Variants in ABCB5 observed in about 807,000 individuals in gnomAD.
ABCB5 encodes the protein ATP binding cassette subfamily B member 5, also known as ATP-binding cassette sub-family B member 5.
In ABCB5, 155 loss-of-function variants were observed where a neutral mutation model predicts 144.2. The ratio of observed to expected loss-of-function variants is 1.08; its 90% CI spans 0.94 to 1.23. The LOEUF is 1.23. Ranked by LOEUF, ABCB5 falls within the 50% of genes most tolerant of loss-of-function variation. The pLI is 0.00. For synonymous variants in ABCB5, 610 were observed against 528.6 expected (o/e 1.15, Z -2.11); for missense variants, 1,830 against 1,520.8 (o/e 1.20, Z -3.38).
At chr7:20,755,296 A>G in intron 27 of ABCB5, 131 bp from the exon 28 acceptor site, 2 of 702,446 alleles carry the variant, frequency 2.8e-6, no homozygotes, top group Admixed American at 2.8e-5. Context: ...TTATTTTACA[A>G]GTAGGGCAGT....
chr7:20,738,877 A>C (rs1782471244), intron 23 of ABCB5, 106 bp from the exon 24 acceptor site: 2 of 1,300,676 alleles, frequency 1.5e-6, no homozygotes, highest in Middle Eastern at 2.7e-4. Flanking sequence ...TGCCGTCTAC[A>C]TCAAAAGATT....
At chr7:20,718,097 G>A (rs909108651) in intron 20 of ABCB5, among the ~76,000 whole-genome samples, 6 of 149,678 alleles carry the variant, frequency 4.0e-5, no homozygotes, top group South Asian at 2.1e-4. Context: ...TTTTAGTAGA[G>A]ACGGGGTTTC....
chr7:20,640,675 C>A (rs1784277217), intron 5 of ABCB5, among the ~76,000 whole-genome samples: 1 of 152,110 alleles, frequency 6.6e-6, no homozygotes, highest in Admixed American at 6.6e-5. Flanking sequence ...ATCAGGCAAA[C>A]CAAATTTTTG....
intron 23 of ABCB5, among the ~76,000 whole-genome samples, chr7:20,737,765 C>T (rs1457691169): frequency 6.6e-6 from 1 of 151,910 alleles, no homozygotes; most frequent in Non-Finnish European, 1.5e-5. Flanking sequence ...AAAAAAAAAC[C>T]TTCTGATTTG....
chr7:20,619,864 T>C (rs1349643330), intron 1 of ABCB5, among the ~76,000 whole-genome samples: 2 of 152,178 alleles, frequency 1.3e-5, no homozygotes, highest in South Asian at 2.1e-4. Flanking sequence ...TATGGTGAAA[T>C]GTAGGGGTCC....
At chr7:20,685,872 G>A (rs1420006279) in intron 16 of ABCB5, 36 bp downstream of exon 16, 3 of 1,549,618 alleles carry the variant, frequency 1.9e-6, no homozygotes, top group South Asian at 2.5e-5. Flanking sequence ...TTTCCTGCAT[G>A]TTTTCTAATT....
intron 7 of ABCB5, 49 bp from the exon 8 acceptor site, chr7:20,645,707 T>G: frequency 6.2e-7 from 1 of 1,601,354 alleles, no homozygotes; most frequent in Non-Finnish European, 8.5e-7. Context: ...GTTCAGAACA[T>G]TATTACTACA....
intron 15 of ABCB5, 109 bp from the exon 16 acceptor site, chr7:20,685,587 T>A (rs958767622): frequency 2.1e-6 from 2 of 974,692 alleles, no homozygotes; most frequent in Non-Finnish European, 3.0e-6. Flanking sequence ...CATTAGAATA[T>A]GCCACTTTCA....
chr7:20,650,156 A>C lies in ABCB5; in HGVS notation c.1332+9A>C, dbSNP rs1784537666. On this transcript the variant is annotated intron_variant, in intron 12 of 27. Transcript: ENST00000404938. ...ATCCGGATGATGGCTTTGTAAGTGCAGCTAGCAAAACCATGCACAGTCCAC... is the reference window on the plus strand; with the variant it reads ...ATCCGGATGATGGCTTTGTAAGTGCCGCTAGCAAAACCATGCACAGTCCAC... The C allele has an allele frequency of 1.2e-6, 2 of 1,613,192 alleles. No individual in the cohort carries two copies.
chr7:20,617,584 T>C (rs112259998), intron 1 of ABCB5, among the ~76,000 whole-genome samples: 21 of 152,338 alleles, frequency 1.4e-4, no homozygotes, highest in African/African-American at 4.8e-4. Context: ...TTTCTCAAAA[T>C]TTGATATGCA....
At chr7:20,631,647 C>A (rs540488415) in intron 4 of ABCB5, among the ~76,000 whole-genome samples, 7 of 152,226 alleles carry the variant, frequency 4.6e-5, no homozygotes, top group South Asian at 4.1e-4. Flanking sequence ...GCTAATTCTT[C>A]TAGAACTTTC....
intron 5 of ABCB5, among the ~76,000 whole-genome samples, chr7:20,634,917 T>C (rs925580462): frequency 6.6e-6 from 1 of 152,114 alleles, no homozygotes; most frequent in South Asian, 2.1e-4. Context: ...TTAATTTCCA[T>C]TTGTCTATTT....
chr7:20,711,908 C>T (rs149497846), intron 20 of ABCB5, among the ~76,000 whole-genome samples: 12,531 of 104,676 alleles, frequency 0.12, 2,602 homozygotes, highest in African/African-American at 0.35. Context: ...TTCCTTCCTT[C>T]CTTTCTTTCT....
chr7:20,685,074 C>A (rs140749056), intron 15 of ABCB5, among the ~76,000 whole-genome samples: 52 of 152,302 alleles, frequency 3.4e-4, no homozygotes, highest in African/African-American at 1.2e-3. Flanking sequence ...TGGTCTGAAA[C>A]TCCTGGCCTG....
In ABCB5 at chr7:20,755,563, A is replaced by G. The variant is rs1055921350; in HGVS notation, c.3713A>G (p.Gln1238Arg). Residue 1238 changes from glutamine to arginine, a missense_variant, in exon 28 of 28, where the codon CAA (glutamine) becomes CGA (arginine). Transcript: ENST00000404938. ...NGKIKEQGTH[Q>R]ELLRNRDIYF... is the part of the protein sequence containing the mutation. ...AAGATAAAGGAACAAGGAACTCATC[A>G]AGAGCTCCTGAGAAATCGAGACATA... 1.9e-6 allele frequency: 3 copies of G among 1,614,112 alleles called. No homozygotes were observed. The African/African-American group carries it at 4.0e-5, about 22-fold the overall frequency.
chr7:20,749,134 T>G (rs980159717), intron 26 of ABCB5, among the ~76,000 whole-genome samples: 2 of 145,656 alleles, frequency 1.4e-5, no homozygotes, highest in African/African-American at 4.9e-5. Context: ...TCTTTCCCTT[T>G]CTTTTCCTCC....
At position 20,623,522 on chromosome 7, in the gene ABCB5, G is replaced by C. The variant is rs182126789; in HGVS notation, c.53+184G>C. On this transcript the variant is annotated intron_variant, in intron 2 of 27. Transcript: ENST00000404938. ...AATAGTGATTTTAGGAACTGCAATA[G>C]GATTAATTGTAATAGGATTTATTTA... Among the ~76,000 whole-genome samples the C allele has an allele frequency of 3.3e-5, 5 of 152,204 alleles. No individual in the cohort carries two copies. The East Asian group carries it at 9.6e-4, about 29-fold the overall frequency.
intron 20 of ABCB5, among the ~76,000 whole-genome samples, chr7:20,722,442 T>C (rs909403466): frequency 1.3e-5 from 2 of 152,240 alleles, no homozygotes; most frequent in African/African-American, 4.8e-5. Flanking sequence ...TAGTATTTAA[T>C]TTCAGATTGT....
chr7:20,641,201 C>T (rs567871523), intron 5 of ABCB5, among the ~76,000 whole-genome samples: 54 of 152,304 alleles, frequency 3.5e-4, no homozygotes, highest in African/African-American at 1.3e-3. Context: ...CAGTCTCTCA[C>T]ATCTATAAGT....
Sources: allele counts gnomAD v4.1 joint callset (sites outside exome capture counted in the v4.1 genomes callset), GRCh38; gene constraint gnomAD v4.1.1; transcripts MANE v1.5; gene names NCBI Gene and HGNC (gene_info 2026-07-23, HGNC 2026-07-21).